LRRC4C: variants seen among roughly 807,000 people sequenced by gnomAD.
LRRC4C encodes the protein leucine-rich repeat-containing protein 4C.
In LRRC4C, 5 loss-of-function variants were observed where a neutral mutation model predicts 33.6. That is an observed-to-expected ratio of 0.15 (90% CI 0.08 to 0.31). LRRC4C has a LOEUF of 0.31. Ranked by LOEUF, LRRC4C falls within the 10% of genes least tolerant of loss-of-function variation. The pLI is 1.00. For missense variants in LRRC4C, 560 were observed against 796.7 expected (o/e 0.70, Z 3.58); for synonymous variants, 329 against 302.0 (o/e 1.09, Z -0.93).
At chr11:41,070,658 GA>G (rs1467992280) in intron 1 of LRRC4C, among the ~76,000 whole-genome samples, 5 of 151,918 alleles carry the variant, frequency 3.3e-5, no homozygotes, top group Non-Finnish European at 7.4e-5. Flanking sequence ...CAAGAAACAT[GA>G]AAAAAAGCTC....
rs34812860 is a variant in LRRC4C, at chr11:40,663,561, T to C, written c.-406-15283A>G. Reference sequence around the variant, plus strand: ...ATGACAGCAACAACAAATACACAGGTCTGAAAAAATGGTGGGGGAAGAACT... The same window carrying C: ...ATGACAGCAACAACAAATACACAGGCCTGAAAAAATGGTGGGGGAAGAACT... On this transcript the variant is annotated intron_variant, in intron 2 of 6. Transcript: ENST00000528697. 4.6e-3 allele frequency among the ~76,000 whole-genome samples: 702 copies of C among 151,994 alleles called. 7 individuals carry two copies. Among genetic ancestry groups the C allele is most frequent in the African/African-American group, 0.016 (671 of 41,434 alleles).
chr11:40,487,207 T>G (rs1953909020), intron 3 of LRRC4C, among the ~76,000 whole-genome samples: 1 of 152,094 alleles, frequency 6.6e-6, no homozygotes, highest in East Asian at 1.9e-4. Flanking sequence ...AAACTTATTT[T>G]AATGAGAGAA....
chr11:40,946,555 G>A (rs1958411635), intron 1 of LRRC4C, among the ~76,000 whole-genome samples: 1 of 152,146 alleles, frequency 6.6e-6, no homozygotes, highest in Admixed American at 6.6e-5. Flanking sequence ...ACCACTATCA[G>A]TGTGTAAACA....
At chr11:40,957,909 C>A (rs355228) in intron 1 of LRRC4C, among the ~76,000 whole-genome samples, 3,033 of 151,746 alleles carry the variant, frequency 0.02, 120 homozygotes, top group African/African-American at 0.07. Context: ...TGAACCTCCC[C>A]CCTTTCCAAT....
chr11:40,914,917 C>G (rs3976649), intron 2 of LRRC4C, among the ~76,000 whole-genome samples: 2 of 151,810 alleles, frequency 1.3e-5, no homozygotes, highest in Non-Finnish European at 2.9e-5. Context: ...AGACAGAGAG[C>G]CAACTCATGA....
intron 1 of LRRC4C, among the ~76,000 whole-genome samples, chr11:41,443,089 A>ATTTTTTTTTTTTTTTTTTTTTTTTTT: frequency 6.6e-5 from 7 of 105,990 alleles, no homozygotes; most frequent in Non-Finnish European, 1.2e-4. Flanking sequence ...TGTTTGCTTC[A>ATTTTTTTTTTTTTTTTTTTTTTTTTT]TTTTTTTTTT....
At chr11:40,517,078 C>A (rs944725018) in intron 3 of LRRC4C, among the ~76,000 whole-genome samples, 1 of 152,106 alleles carries the variant, frequency 6.6e-6, no homozygotes, top group African/African-American at 2.4e-5. Context: ...CTCTGATAAG[C>A]AAGATTAAAG....
rs191974560 is a variant in LRRC4C, at chr11:41,319,387, T to C, written c.-496+140044A>G. The stretch of plus-strand genomic sequence containing the variant: ...CCACATCTGTTACATGGAGCATTCC[T>C]GTGGTCAGACTTTAAAGGCTCTTCT... On this transcript the variant is annotated intron_variant, in intron 1 of 6. Transcript: ENST00000528697. Among the ~76,000 whole-genome samples, 538 of 151,826 alleles carry C rather than the reference T, an allele frequency of 3.5e-3. 4 individuals carry two copies. The highest frequency in any genetic ancestry group is 0.013 in the African/African-American group (528 of 41,070).
At chr11:41,407,804 A>G (rs939797843) in intron 1 of LRRC4C, among the ~76,000 whole-genome samples, 1 of 152,130 alleles carries the variant, frequency 6.6e-6, no homozygotes, top group Admixed American at 6.6e-5. Context: ...CATGTCTCAA[A>G]GGTAGGTGTA....
At chr11:40,611,909 T>A in intron 3 of LRRC4C, among the ~76,000 whole-genome samples, 1 of 151,814 alleles carries the variant, frequency 6.6e-6, no homozygotes. Flanking sequence ...GTGGAGAAAT[T>A]GGAACTCTTT....
chr11:40,956,552 T>C (rs1174909584), intron 1 of LRRC4C, among the ~76,000 whole-genome samples: 8 of 151,870 alleles, frequency 5.3e-5, no homozygotes, highest in Non-Finnish European at 7.4e-5. Context: ...TAATATTACC[T>C]TTCTAGGCTT....
intron 3 of LRRC4C, among the ~76,000 whole-genome samples, chr11:40,357,970 G>A (rs1182252329): frequency 6.6e-6 from 1 of 152,052 alleles, no homozygotes; most frequent in South Asian, 2.1e-4. Flanking sequence ...GGATCATGAG[G>A]TCAGGAGATC....
At chr11:40,569,557 T>C (rs892261543) in intron 3 of LRRC4C, among the ~76,000 whole-genome samples, 2 of 151,606 alleles carry the variant, frequency 1.3e-5, no homozygotes, top group Non-Finnish European at 2.9e-5. Flanking sequence ...TGTATGTGAA[T>C]GTTTATGCGT....
intron 1 of LRRC4C, among the ~76,000 whole-genome samples, chr11:41,045,689 A>T (rs1051588474): frequency 6.6e-6 from 1 of 152,140 alleles, no homozygotes; most frequent in Non-Finnish European, 1.5e-5. Flanking sequence ...TGGATTAGCC[A>T]TCTCTCAGTA....
chr11:41,091,187 A>T (rs997161850), intron 1 of LRRC4C, among the ~76,000 whole-genome samples: 1 of 151,806 alleles, frequency 6.6e-6, no homozygotes, highest in African/African-American at 2.4e-5. Flanking sequence ...ATAGTATTTC[A>T]TTATATTATT....
chr11:40,234,289 G>C (rs1359556151), intron 5 of LRRC4C, among the ~76,000 whole-genome samples: 1 of 152,150 alleles, frequency 6.6e-6, no homozygotes, highest in Non-Finnish European at 1.5e-5. Flanking sequence ...TGTAAGGTAC[G>C]TATTATCACT....
rs1386520437 is a variant in LRRC4C, at chr11:41,379,635, C to G, written c.-496+79796G>C. ...TGAGCCTACCCAGGGCCTTTATTCA[C>G]AGCTTTCTTTCTATTTCTAAACTTG... On this transcript the variant is annotated intron_variant, in intron 1 of 6. Transcript: ENST00000528697. 2.6e-5 allele frequency among the ~76,000 whole-genome samples: 4 copies of G among 151,990 alleles called. No individual in the cohort carries two copies. The East Asian group carries it at 7.7e-4, about 29-fold the overall frequency.
At chr11:41,298,630 CTT>C (rs1352460370) in intron 1 of LRRC4C, among the ~76,000 whole-genome samples, 1 of 152,090 alleles carries the variant, frequency 6.6e-6, no homozygotes, top group Non-Finnish European at 1.5e-5. Context: ...ATATTTTTCT[CTT>C]GATTGATCAT....
chr11:40,785,439 A>G (rs1950374557), intron 2 of LRRC4C, among the ~76,000 whole-genome samples: 1 of 152,194 alleles, frequency 6.6e-6, no homozygotes, highest in South Asian at 2.1e-4. Context: ...TATTAGAGGC[A>G]CTTTTTTGAT....
Sources: gnomAD v4.1 joint callset for allele counts (sites outside exome capture counted in the v4.1 genomes callset) on GRCh38, gnomAD v4.1.1 for gene constraint, MANE v1.5 for transcripts, NCBI Gene and HGNC (gene_info 2026-07-23, HGNC 2026-07-21) for gene names.